The following COPS3 variants were observed in gnomAD, a reference collection of about 807,000 sequenced individuals.
COPS3 encodes the protein COP9 signalosome complex subunit 3.
Under a neutral mutation model 58.2 loss-of-function variants are expected in COPS3, and 10 were observed. The ratio of observed to expected loss-of-function variants is 0.17; its 90% CI spans 0.11 to 0.29. COPS3 has a LOEUF of 0.29. COPS3 is among the 10% of genes least tolerant of loss of function. The pLI is 1.00. For missense variants in COPS3, 333 were observed against 510.1 expected (o/e 0.65, Z 3.34); for synonymous variants, 187 against 181.7 (o/e 1.03, Z -0.24).
At chr17:17,254,245 C>T (rs1264205266) in intron 9 of COPS3, among the ~76,000 whole-genome samples, 8 of 140,998 alleles carry the variant, frequency 5.7e-5, no homozygotes, top group Admixed American at 4.3e-4. Context: ...GGAATTGAGG[C>T]TGCAGTGAGC....
In COPS3 at chr17:17,263,516, T is replaced by C. The variant is rs1280453646; in HGVS notation, c.621+1286A>G. Reference sequence around the variant, plus strand: ...ACCCAGCCTCTTGCCTTTTCTTTTTTTTTTTTTTTTTTTTGAGATGGAGTT... The same window carrying C: ...ACCCAGCCTCTTGCCTTTTCTTTTTCTTTTTTTTTTTTTTGAGATGGAGTT... On this transcript the variant is annotated intron_variant, in intron 6 of 11. Transcript: ENST00000268717. Among the ~76,000 whole-genome samples the C allele has an allele frequency of 1.2e-3, 161 of 138,412 alleles. 4 individuals are homozygous for C. Among genetic ancestry groups the C allele is most frequent in the Non-Finnish European group, 7.0e-4 (45 of 64,050 alleles). 90.8% of individuals were successfully genotyped at this position (138,412 alleles called of 152,430 possible). A position where few individuals can be genotyped will look rare whatever the true frequency, so the allele number is the denominator to read the frequency against.
At chr17:17,281,037 T>C (rs931642703) in intron 1 of COPS3, 95 bp downstream of exon 1, 9 of 1,393,358 alleles carry the variant, frequency 6.5e-6, no homozygotes, top group Admixed American at 2.0e-5. Context: ...GTCTCAGGAC[T>C]AAAAGGGCTG....
chr17:17,261,983 C>T lies in COPS3; in HGVS notation c.745G>A (p.Val249Met), dbSNP rs2145216783. 1 of 1,589,952 alleles carries T rather than the reference C, an allele frequency of 6.3e-7. No homozygotes were observed. Among genetic ancestry groups the T allele is most frequent in the South Asian group, 1.1e-5 (1 of 88,902 alleles). ...AAACTTACCTTAATGAATCTACCCA[C>T]AATTTGAGATGTATATTTTGGTAGC... The part of the protein sequence containing the change: ...QQLPKYTSQI[V>M]GRFIKPLSNA... The change falls in exon 7 of 12, where the codon GTG (valine) becomes ATG (methionine). Residue 249 changes from valine (V) to methionine (M), a missense_variant. Transcript: ENST00000268717.
chr17:17,266,566 A>G (rs919016218), intron 5 of COPS3, among the ~76,000 whole-genome samples: 1 of 152,034 alleles, frequency 6.6e-6, no homozygotes, highest in African/African-American at 2.4e-5. Context: ...TGGGAGGCTG[A>G]GGTGGGCGGA....
At position 17,247,485 on chromosome 17, in the gene COPS3, G is replaced by T; in HGVS notation, c.1213C>A (p.Gln405Lys). 6 of 1,614,114 alleles carry T rather than the reference G, an allele frequency of 3.7e-6. No homozygotes were observed. Among genetic ancestry groups the T allele is most frequent in the Non-Finnish European group, 5.1e-6 (6 of 1,179,936 alleles). ...QEITVNPQFVQKSMGSQEDDS... is the reference protein window; with the variant it reads ...QEITVNPQFVKKSMGSQEDDS... The stretch of plus-strand genomic sequence containing the variant: ...AATAAGGGAACCCTCATCACCTTTT[G>T]TACAAACTGAGGGTTCACTGTGATC... Residue 405 changes from glutamine to lysine, a missense_variant, in exon 11 of 12, where the codon CAA (glutamine) becomes AAA (lysine). Physicochemically the swap from Gln to Lys is moderately conservative, Grantham distance 53 (BLOSUM62 1). Coordinates refer to ENST00000268717, the MANE Select transcript of COPS3 (RefSeq NM_003653.4).
intron 8 of COPS3, 33 bp from the exon 9 acceptor site, chr17:17,254,978 G>A (rs750679094): frequency 6.8e-7 from 1 of 1,466,822 alleles, no homozygotes; most frequent in South Asian, 1.2e-5. Flanking sequence ...GTCACAGGTA[G>A]GAACAACGAA....
At chr17:17,281,101 C>G (rs1165791380) in intron 1 of COPS3, 31 bp downstream of exon 1, 1 of 1,599,556 alleles carries the variant, frequency 6.3e-7, no homozygotes, top group Admixed American at 1.7e-5. Flanking sequence ...CGGTACCCGC[C>G]CATGCCCAGC....
chr17:17,256,096 G>A (rs934631000), intron 8 of COPS3, among the ~76,000 whole-genome samples: 4 of 149,622 alleles, frequency 2.7e-5, no homozygotes, highest in Non-Finnish European at 4.4e-5. Context: ...GGAGAATGGC[G>A]TGAACCCAGG....
chr17:17,254,909 G>T lies in COPS3; in HGVS notation c.973C>A (p.Arg325Ser). 6.2e-7 allele frequency: 1 copy of T among 1,612,358 alleles called. No individual in the cohort carries two copies. Among genetic ancestry groups the T allele is most frequent in the Non-Finnish European group, 8.5e-7 (1 of 1,179,094 alleles). The change falls in exon 9 of 12, where the codon CGT becomes AGT. Residue 325 changes from arginine (R) to serine (S), a missense_variant. Transcript: ENST00000268717. ...TCCTGAGGTCCAGACAACTGCACAC[G>T]ACTTGCCATATCTTGTAATGATAGA... ...LTLSLQDMASRVQLSGPQEAE... is the reference protein window; with the variant it reads ...LTLSLQDMASSVQLSGPQEAE...
chr17:17,247,399 A>G lies in COPS3; in HGVS notation c.1218+81T>C, dbSNP rs1385378117. 6 of 1,311,680 alleles carry G rather than the reference A, an allele frequency of 4.6e-6. No individual in the cohort carries two copies. The Admixed American group carries it at 1.1e-4, about 23-fold the overall frequency. The allele number at this position is 1,311,680 out of a possible 1,614,324, so 81.3% of individuals were successfully genotyped here. On this transcript the variant is annotated intron_variant, in intron 11 of 11. Transcript: ENST00000268717. Reference sequence around the variant, plus strand: ...TTTCAAGAAATATTTAATAACCTGAAACTTAGTTCCTGTGCCTGATGTGAC... The same window carrying G: ...TTTCAAGAAATATTTAATAACCTGAGACTTAGTTCCTGTGCCTGATGTGAC...
intron 1 of COPS3, among the ~76,000 whole-genome samples, chr17:17,278,437 T>C (rs535843937): frequency 6.6e-6 from 1 of 152,302 alleles, no homozygotes; most frequent in Admixed American, 6.5e-5. Flanking sequence ...TTGATACATT[T>C]TACTGAAAGC....
intron 6 of COPS3, among the ~76,000 whole-genome samples, 177 bp from the exon 7 acceptor site, chr17:17,262,283 CAG>C (rs1414342595): frequency 6.6e-6 from 1 of 152,066 alleles, no homozygotes; most frequent in Non-Finnish European, 1.5e-5. Flanking sequence ...TTTTTAGAGA[CAG>C]GGTCTCGCTC....
At position 17,270,945 on chromosome 17, in the gene COPS3, G is replaced by A; in HGVS notation, c.249C>T (p.Leu83=). The A allele has an allele frequency of 6.2e-7, 1 of 1,613,962 alleles. No individual in the cohort carries two copies. The highest frequency in any genetic ancestry group is 2.2e-5 in the East Asian group (1 of 44,886). Residue 83 remains leucine, a synonymous_variant, in exon 3 of 12, where the codon CTC becomes CTT. Coordinates refer to ENST00000268717, the MANE Select transcript of COPS3 (RefSeq NM_003653.4). ...GCTCCCCATTACAAGTGCTGATGAA[G>A]AGCTGAACCTGTGAGAATAGCGTTT... ...DFETLFSQVQ[L]FISTCNGEHI...
Position 17,268,167 on chromosome 17 carries a change from G to A in COPS3, c.349-190C>T, listed in dbSNP as rs575153894. ...GAAAACTTTTCTTAAGCTGTTTCTT[G>A]GAATTTTTAGATAACTCAGCACCAT... is the stretch of plus-strand genomic sequence containing the variant. On this transcript the variant is annotated intron_variant, in intron 4 of 11. Coordinates refer to ENST00000268717, the MANE Select transcript of COPS3 (RefSeq NM_003653.4). 60 of 696,270 alleles carry A rather than the reference G, an allele frequency of 8.6e-5. No individual in the cohort carries two copies. In the South Asian group the frequency reaches 2.2e-3, roughly 26 times the overall value. 43.1% of individuals were successfully genotyped at this position (696,270 alleles called of 1,614,324 possible).
chr17:17,266,363 A>T (rs1271102242), intron 5 of COPS3, among the ~76,000 whole-genome samples: 1 of 152,238 alleles, frequency 6.6e-6, no homozygotes, highest in African/African-American at 2.4e-5. Flanking sequence ...GTCCATAAAA[A>T]GTTTTTGGAA....
chr17:17,254,474 GTTACTC>G (rs1042452836), intron 9 of COPS3, among the ~76,000 whole-genome samples: 1 of 152,048 alleles, frequency 6.6e-6, no homozygotes, highest in Non-Finnish European at 1.5e-5. Flanking sequence ...ATGAACATCT[GTTACTC>G]TTACAGTAAC....
intron 2 of COPS3, among the ~76,000 whole-genome samples, chr17:17,275,592 A>T (rs907387320): frequency 2.0e-5 from 3 of 152,322 alleles, no homozygotes; most frequent in Non-Finnish European, 4.4e-5. Flanking sequence ...TTTGCAAAAG[A>T]GCTCAATGTT....
chr17:17,263,040 G>T (rs148296915), intron 6 of COPS3, among the ~76,000 whole-genome samples: 5,600 of 151,682 alleles, frequency 0.037, 317 homozygotes, highest in African/African-American at 0.12. Flanking sequence ...TGTAATCCCA[G>T]CAATTTGGGA....
At chr17:17,265,008 C>T in intron 5 of COPS3, 27 bp from the exon 6 acceptor site, 1 of 1,588,640 alleles carries the variant, frequency 6.3e-7, no homozygotes, top group Non-Finnish European at 8.5e-7. Flanking sequence ...ATTAAATCAT[C>T]ACTTTAATTT....
Sources: gnomAD v4.1 joint callset for allele counts (sites outside exome capture counted in the v4.1 genomes callset) on GRCh38, gnomAD v4.1.1 for gene constraint, MANE v1.5 for transcripts, NCBI Gene and HGNC (gene_info 2026-07-23, HGNC 2026-07-21) for gene names.